Variants in CNTNAP5 observed in about 807,000 individuals in gnomAD.
CNTNAP5 encodes contactin associated protein family member 5.
In CNTNAP5, 72 loss-of-function variants were observed where a neutral mutation model predicts 150.2. That is an observed-to-expected ratio of 0.48 (90% CI 0.40 to 0.58). CNTNAP5 has a LOEUF of 0.58. Ranked by LOEUF, CNTNAP5 falls within the 20% of genes least tolerant of loss-of-function variation. The probability of loss-of-function intolerance (pLI) is 0.00; values close to 1 mark genes in which losing one functional copy is unlikely to be tolerated. For missense variants in CNTNAP5, 1,636 were observed against 1,626.2 expected (o/e 1.01, Z -0.10); for synonymous variants, 672 against 619.8 (o/e 1.08, Z -1.25).
At chr2:124,138,139 C>G (rs74858503) in intron 1 of CNTNAP5, among the ~76,000 whole-genome samples, 2,862 of 152,294 alleles carry the variant, frequency 0.019, 208 homozygotes, top group Admixed American at 0.14. Context: ...CCGACCTCCT[C>G]TCCCTCCTCT....
intron 11 of CNTNAP5, among the ~76,000 whole-genome samples, chr2:124,567,864 G>GAT (rs1491360373): frequency 7.0e-6 from 1 of 142,510 alleles, no homozygotes; most frequent in Non-Finnish European, 1.5e-5. Flanking sequence ...TAGATAGATA[G>GAT]ATAGATAGAT....
At chr2:124,609,958 C>G (rs754567426) in intron 12 of CNTNAP5, 38 bp downstream of exon 12, 1 of 1,575,066 alleles carries the variant, frequency 6.3e-7, no homozygotes, top group Non-Finnish European at 8.7e-7. Flanking sequence ...TTAACCACCC[C>G]ACTTCATGGA....
At chr2:124,406,050 C>A (rs1257785706) in intron 3 of CNTNAP5, among the ~76,000 whole-genome samples, 3 of 152,186 alleles carry the variant, frequency 2.0e-5, no homozygotes, top group Non-Finnish European at 4.4e-5. Context: ...CCATGCAATT[C>A]AAACTAATTT....
chr2:124,084,928 T>TTTTTTTTTTTG (rs1682647914), intron 1 of CNTNAP5, among the ~76,000 whole-genome samples: 1 of 131,136 alleles, frequency 7.6e-6, no homozygotes, highest in African/African-American at 2.8e-5. Context: ...TTTCCTGTTT[T>TTTTTTTTTTTG]TTTTTTTTTT....
At chr2:124,797,689 T>A (rs1681875839) in intron 18 of CNTNAP5, among the ~76,000 whole-genome samples, 1 of 152,334 alleles carries the variant, frequency 6.6e-6, no homozygotes, top group South Asian at 2.1e-4. Context: ...AACTGTCAGG[T>A]TCTCAGTTTT....
intron 13 of CNTNAP5, among the ~76,000 whole-genome samples, chr2:124,720,107 C>G (rs1312787951): frequency 6.6e-6 from 1 of 152,094 alleles, no homozygotes; most frequent in Admixed American, 6.6e-5. Flanking sequence ...TTTGAATGAC[C>G]TTTTAGCTTA....
chr2:124,173,241 T>C (rs1174649930), intron 1 of CNTNAP5, among the ~76,000 whole-genome samples: 1 of 152,122 alleles, frequency 6.6e-6, no homozygotes, highest in Non-Finnish European at 1.5e-5. Context: ...ACAATAAATA[T>C]TGAAAATAGA....
intron 1 of CNTNAP5, among the ~76,000 whole-genome samples, chr2:124,133,665 A>G (rs1344542456): frequency 6.6e-6 from 1 of 152,072 alleles, no homozygotes; most frequent in Non-Finnish European, 1.5e-5. Context: ...GTGGAGCACC[A>G]GTAGTGCTTT....
At chr2:124,383,355 T>C (rs1690848837) in intron 3 of CNTNAP5, among the ~76,000 whole-genome samples, 1 of 152,158 alleles carries the variant, frequency 6.6e-6, no homozygotes, top group South Asian at 2.1e-4. Flanking sequence ...AGCTATATCA[T>C]TTGCTTTTTA....
At chr2:124,825,910 A>G (rs917171762) in intron 19 of CNTNAP5, among the ~76,000 whole-genome samples, 1 of 152,126 alleles carries the variant, frequency 6.6e-6, no homozygotes, top group Non-Finnish European at 1.5e-5. Flanking sequence ...GAAGCTCACA[A>G]GTGTCTGTAA....
chr2:124,672,849 A>C (rs1434546800), intron 13 of CNTNAP5, among the ~76,000 whole-genome samples: 1 of 152,220 alleles, frequency 6.6e-6, no homozygotes, highest in East Asian at 1.9e-4. Flanking sequence ...ATTTCTCAAA[A>C]TTAAAAATGT....
At chr2:124,566,551 C>T (rs558856049) in intron 11 of CNTNAP5, among the ~76,000 whole-genome samples, 1 of 152,226 alleles carries the variant, frequency 6.6e-6, no homozygotes, top group South Asian at 2.1e-4. Context: ...TTTTTAACAC[C>T]TTCCTATTTC....
At chr2:124,873,464 C>A (rs925282254) in intron 21 of CNTNAP5, among the ~76,000 whole-genome samples, 6 of 152,122 alleles carry the variant, frequency 3.9e-5, no homozygotes, top group Non-Finnish European at 1.5e-5. Flanking sequence ...CATCTGCTCA[C>A]TGGGCTGCCT....
intron 21 of CNTNAP5, among the ~76,000 whole-genome samples, chr2:124,882,954 C>G (rs1365032594): frequency 6.6e-6 from 1 of 151,932 alleles, no homozygotes; most frequent in Non-Finnish European, 1.5e-5. Flanking sequence ...GGAGAAACTA[C>G]CTCCATGATT....
chr2:124,498,593 C>T (rs986893626), intron 7 of CNTNAP5, among the ~76,000 whole-genome samples: 8 of 152,164 alleles, frequency 5.3e-5, no homozygotes, highest in Non-Finnish European at 7.4e-5. Flanking sequence ...TGAGCTACCA[C>T]GCTTGGCCTT....
intron 1 of CNTNAP5, among the ~76,000 whole-genome samples, chr2:124,088,229 T>C (rs185121859): frequency 6.6e-6 from 1 of 152,288 alleles, no homozygotes; most frequent in Admixed American, 6.5e-5. Context: ...CTATCAAGCC[T>C]GTCCTCTGAG....
chr2:124,088,774 C>G (rs1268552560), intron 1 of CNTNAP5, among the ~76,000 whole-genome samples: 2 of 152,120 alleles, frequency 1.3e-5, no homozygotes, highest in Non-Finnish European at 2.9e-5. Context: ...GAGCATATTC[C>G]TGCCAGTGAG....
chr2:124,553,964 T>C (rs754352738), intron 10 of CNTNAP5, among the ~76,000 whole-genome samples: 33 of 152,196 alleles, frequency 2.2e-4, no homozygotes, highest in Admixed American at 2.0e-4. Context: ...CAGGTGCCGA[T>C]GGGAGTGTTC....
chr2:124,592,998 A>T (rs1197397935), intron 11 of CNTNAP5, among the ~76,000 whole-genome samples: 1 of 151,222 alleles, frequency 6.6e-6, no homozygotes, highest in African/African-American at 2.4e-5. Flanking sequence ...ATTTTTGTTC[A>T]TTGCTTCTGG....
Sources: allele counts gnomAD v4.1 joint callset (sites outside exome capture counted in the v4.1 genomes callset), GRCh38; gene constraint gnomAD v4.1.1; transcripts MANE v1.5; gene names NCBI Gene and HGNC (gene_info 2026-07-23, HGNC 2026-07-21).